Variants in PIM1 observed in about 807,000 individuals in gnomAD.
PIM1 encodes Pim-1 proto-oncogene, serine/threonine kinase.
In PIM1, 9 loss-of-function variants were observed where a neutral mutation model predicts 34.5. That is an observed-to-expected ratio of 0.26 (90% CI 0.16 to 0.46). The LOEUF is 0.46. Ranked by LOEUF, PIM1 falls within the 20% of genes least tolerant of loss-of-function variation. PIM1 has a pLI of 1.00. For synonymous variants in PIM1, 199 were observed against 175.2 expected (o/e 1.14, Z -1.07); for missense variants, 274 against 410.9 (o/e 0.67, Z 2.88).
Position 37,170,403 on chromosome 6 carries a change from T to C in PIM1, c.-173T>C. On this transcript the variant is annotated 5_prime_UTR_variant, in exon 1 of 6. Coordinates refer to ENST00000373509, the MANE Select transcript of PIM1 (RefSeq NM_002648.4). ...CGCCAGTCCCGGCAGCGCCCTCAGTTGTCCTCCGACTCGCCCTCGGCCTTC... is the reference window on the plus strand; with the variant it reads ...CGCCAGTCCCGGCAGCGCCCTCAGTCGTCCTCCGACTCGCCCTCGGCCTTC... 2.0e-6 allele frequency: 3 copies of C among 1,532,108 alleles called. No individual in the cohort carries two copies. Among genetic ancestry groups the C allele is most frequent in the Non-Finnish European group, 2.6e-6 (3 of 1,144,914 alleles). The allele number at this position is 1,532,108 out of a possible 1,614,324, so 94.9% of individuals were successfully genotyped here. A position where few individuals can be genotyped will look rare whatever the true frequency, so the allele number is the denominator to read the frequency against.
rs750751972 is a variant in PIM1 at position 37,171,271 on chromosome 6, C to T, written c.387C>T (p.Leu129=). 6 of 1,614,064 alleles carry T rather than the reference C, an allele frequency of 3.7e-6. No individual in the cohort carries two copies. Among genetic ancestry groups the T allele is most frequent in the African/African-American group, 1.3e-5 (1 of 74,952 alleles). The change falls in exon 4 of 6, where the codon CTC becomes CTT. Residue 129 remains leucine (L), a synonymous_variant. Coordinates refer to ENST00000373509, the MANE Select transcript of PIM1 (RefSeq NM_002648.4). ...ILERPEPVQD[L]FDFITERGAL... ...AGAGGCCCGAGCCGGTGCAAGATCT[C>T]TTCGACTTCATCACGGAAAGGGGAG...
rs1298984486 is a variant in PIM1, at chr6:37,174,995, T to G, written c.*904T>G. On this transcript the variant is annotated 3_prime_UTR_variant, in exon 6 of 6. Coordinates refer to ENST00000373509, the MANE Select transcript of PIM1 (RefSeq NM_002648.4). ...TAACCTGGAGGTCAATGTTATGTAT[T>G]TATTTATTTATTTATTTGGTTCCCT... 8.6e-6 allele frequency: 2 copies of G among 231,938 alleles called. No individual in the cohort carries two copies. Among genetic ancestry groups the G allele is most frequent in the Non-Finnish European group, 1.7e-5 (2 of 117,004 alleles). 14.4% of individuals were successfully genotyped at this position (231,938 alleles called of 1,614,324 possible).
rs1171084715 is a variant in PIM1, at chr6:37,170,873, C to T, written c.183C>T (p.Asn61=). The T allele has an allele frequency of 6.2e-7, 1 of 1,612,640 alleles. No individual in the cohort carries two copies. The highest frequency in any genetic ancestry group is 1.7e-5 in the Admixed American group (1 of 59,964). The change falls in exon 2 of 6, where the codon AAC becomes AAT. Residue 61 remains asparagine (N), a synonymous_variant. Transcript: ENST00000373509. ...SVYSGIRVSD[N]LPVAIKHVEK... is the part of the protein sequence containing the mutation. The stretch of plus-strand genomic sequence containing the variant: ...ACTCAGGCATCCGCGTCTCCGACAA[C>T]TTGCCGGTGAGTGGGCGCCCCGCGG...
In PIM1 at chr6:37,171,106, G is replaced by A. The variant is rs774075505; in HGVS notation, c.241-19G>A. 3 of 1,613,810 alleles carry A rather than the reference G, an allele frequency of 1.9e-6. No individual in the cohort carries two copies. Among genetic ancestry groups the A allele is most frequent in the South Asian group, 2.2e-5 (2 of 91,070 alleles). ...GCGCCCCCGACTCCCGCCCTAACGC[G>A]GCCCCCTCGCCCCTGCAGCCTAATG... is the stretch of plus-strand genomic sequence containing the variant. On this transcript the variant is annotated intron_variant, in intron 3 of 5. Transcript: ENST00000373509.
chr6:37,172,316 T>G (rs1045815914), intron 4 of PIM1, among the ~76,000 whole-genome samples: 23 of 151,826 alleles, frequency 1.5e-4, no homozygotes, highest in Non-Finnish European at 2.9e-4. Context: ...GCTGGCCGGG[T>G]CCTCCCATGT....
At position 37,171,110 on chromosome 6, in the gene PIM1, C is replaced by A. The variant is rs922082764; in HGVS notation, c.241-15C>A. 15 of 1,613,858 alleles carry A rather than the reference C, an allele frequency of 9.3e-6. No individual in the cohort carries two copies. The highest frequency in any genetic ancestry group is 1.3e-5 in the Non-Finnish European group (15 of 1,179,974). On this transcript the variant is annotated splice_polypyrimidine_tract_variant and intron_variant, in intron 3 of 5. Transcript: ENST00000373509. ...CCCCGACTCCCGCCCTAACGCGGCC[C>A]CCTCGCCCCTGCAGCCTAATGGCAC... is the stretch of plus-strand genomic sequence containing the variant.
chr6:37,170,599 G>A lies in PIM1; in HGVS notation c.24G>A (p.Ser8=), dbSNP rs545722595. 6.2e-7 allele frequency: 1 copy of A among 1,612,920 alleles called. No homozygotes were observed. The change falls in exon 1 of 6, where the codon TCG becomes TCA. Residue 8 remains serine, a synonymous_variant. Transcript: ENST00000373509. MLLSKIN[S]LAHLRAAPCN... is the part of the protein sequence containing the mutation. ...GGATGCTCTTGTCCAAAATCAACTC[G>A]CTTGCCCACCTGCGCGCCGCGCCCT...
In PIM1 at chr6:37,171,051, G is replaced by A. The variant is rs767788800; in HGVS notation, c.240+20G>A. On this transcript the variant is annotated intron_variant, in intron 3 of 5. Transcript: ENST00000373509. ...GAGCTGGTGAGTGCCCTGCAGGAGC[G>A]ACCCCCAGGATGAGTGGGTGGGGTG... is the stretch of plus-strand genomic sequence containing the variant. 14 of 1,613,950 alleles carry A rather than the reference G, an allele frequency of 8.7e-6. No individual in the cohort carries two copies. The highest frequency in any genetic ancestry group is 6.6e-5 in the South Asian group (6 of 91,084).
chr6:37,171,553 G>C, intron 4 of PIM1, 62 bp downstream of exon 4: 2 of 1,555,246 alleles, frequency 1.3e-6, no homozygotes, highest in Non-Finnish European at 1.7e-6. Flanking sequence ...CAGTCCGGAG[G>C]CCTCGGCCAG....
At position 37,174,275 on chromosome 6, in the gene PIM1, G is replaced by A. The variant is rs1009949425; in HGVS notation, c.*184G>A. 7.2e-6 allele frequency: 4 copies of A among 559,374 alleles called. No individual in the cohort carries two copies. Among genetic ancestry groups the A allele is most frequent in the Admixed American group, 3.4e-5 (1 of 29,472 alleles). The allele number at this position is 559,374 out of a possible 1,614,324, so 34.7% of individuals were successfully genotyped here. The stretch of plus-strand genomic sequence containing the variant: ...GAGGCTGCCTCCCAACAGTGGGGAA[G>A]AGTGACTCTCCAGGGGTCCTAGGCC... On this transcript the variant is annotated 3_prime_UTR_variant, in exon 6 of 6. Transcript: ENST00000373509.
chr6:37,170,251 G>C lies in PIM1; in HGVS notation c.-325G>C. 1.7e-6 allele frequency: 1 copy of C among 594,502 alleles called. No homozygotes were observed. The highest frequency in any genetic ancestry group is 2.0e-6 in the Non-Finnish European group (1 of 495,982). 36.8% of individuals were successfully genotyped at this position (594,502 alleles called of 1,614,324 possible). On this transcript the variant is annotated 5_prime_UTR_variant, in exon 1 of 6. Transcript: ENST00000373509. Reference sequence around the variant, plus strand: ...GGCAGCGGCGGCGGCGGGACCGGCAGCAGCAGCAGCAGCAGCAGCAGCAGC... The same window carrying C: ...GGCAGCGGCGGCGGCGGGACCGGCACCAGCAGCAGCAGCAGCAGCAGCAGC...
Position 37,174,365 on chromosome 6 carries a change from T to TC in PIM1, c.*277dup. The TC allele has an allele frequency of 8.7e-6, 1 of 114,540 alleles. No individual in the cohort carries two copies. Among genetic ancestry groups the TC allele is most frequent in the Non-Finnish European group, 1.6e-5 (1 of 60,936 alleles). 7.1% of individuals were successfully genotyped at this position (114,540 alleles called of 1,614,324 possible). A position where few individuals can be genotyped will look rare whatever the true frequency, so the allele number is the denominator to read the frequency against. The stretch of plus-strand genomic sequence containing the variant: ...TCCAGCATTGCTGGACTCTGAAATA[T>TC]CCCGGGGGTGGGGGGTGGGGGTGGG... On this transcript the variant is annotated 3_prime_UTR_variant, in exon 6 of 6. Coordinates refer to ENST00000373509, the MANE Select transcript of PIM1 (RefSeq NM_002648.4).
rs775749144 is a variant in PIM1, at chr6:37,171,250, G to A, written c.366G>A (p.Arg122=). The change falls in exon 4 of 6, where the codon AGG becomes AGA. Residue 122 remains arginine (R), a synonymous_variant. Coordinates refer to ENST00000373509, the MANE Select transcript of PIM1 (RefSeq NM_002648.4). ...ACAGTTTCGTCCTGATCCTGGAGAGGCCCGAGCCGGTGCAAGATCTCTTCG... is the reference window on the plus strand; with the variant it reads ...ACAGTTTCGTCCTGATCCTGGAGAGACCCGAGCCGGTGCAAGATCTCTTCG... ...RPDSFVLILE[R]PEPVQDLFDF... 2.5e-6 allele frequency: 4 copies of A among 1,613,982 alleles called. No individual in the cohort carries two copies. The highest frequency in any genetic ancestry group is 3.4e-6 in the Non-Finnish European group (4 of 1,180,044).
Position 37,171,253 on chromosome 6 carries a change from C to T in PIM1, c.369C>T (p.Pro123=). ...PDSFVLILER[P]EPVQDLFDFI... is the part of the protein sequence containing the mutation. Reference sequence around the variant, plus strand: ...GTTTCGTCCTGATCCTGGAGAGGCCCGAGCCGGTGCAAGATCTCTTCGACT... The same window carrying T: ...GTTTCGTCCTGATCCTGGAGAGGCCTGAGCCGGTGCAAGATCTCTTCGACT... Residue 123 remains proline (P), a synonymous_variant, in exon 4 of 6, where the codon CCC becomes CCT. Transcript: ENST00000373509. The T allele has an allele frequency of 6.2e-7, 1 of 1,611,536 alleles. No individual in the cohort carries two copies. The highest frequency in any genetic ancestry group is 8.5e-7 in the Non-Finnish European group (1 of 1,179,592).
rs1159815589 is a variant in PIM1 at position 37,170,263 on chromosome 6, GC to G, written c.-312del. On this transcript the variant is annotated 5_prime_UTR_variant, in exon 1 of 6. Coordinates refer to ENST00000373509, the MANE Select transcript of PIM1 (RefSeq NM_002648.4). ...GGCGGGACCGGCAGCAGCAGCAGCA[GC>G]AGCAGCAGCAGCAACCACTAGCCTC... is the stretch of plus-strand genomic sequence containing the variant. The G allele has an allele frequency of 1.7e-5, 23 of 1,349,766 alleles. No individual in the cohort carries two copies. In the East Asian group the frequency reaches 2.4e-4, roughly 14 times the overall value. 83.6% of individuals were successfully genotyped at this position (1,349,766 alleles called of 1,614,324 possible).
chr6:37,174,822 A>C lies in PIM1; in HGVS notation c.*731A>C. The C allele has an allele frequency of 4.3e-6, 1 of 233,756 alleles. No homozygotes were observed. Among genetic ancestry groups the C allele is most frequent in the Non-Finnish European group, 8.5e-6 (1 of 118,072 alleles). The allele number at this position is 233,756 out of a possible 1,614,324, so 14.5% of individuals were successfully genotyped here. A position where few individuals can be genotyped will look rare whatever the true frequency, so the allele number is the denominator to read the frequency against. On this transcript the variant is annotated 3_prime_UTR_variant, in exon 6 of 6. Transcript: ENST00000373509. ...GACCTCACACACACAAAAAATGCAC[A>C]AACAATGCAATCAACAGAAAAGCTG...
At position 37,170,365 on chromosome 6, in the gene PIM1, C is replaced by G. The variant is rs1762247356; in HGVS notation, c.-211C>G. On this transcript the variant is annotated 5_prime_UTR_variant, in exon 1 of 6. Coordinates refer to ENST00000373509, the MANE Select transcript of PIM1 (RefSeq NM_002648.4). ...TCTCAGCGCTGCCCGACCCCGCTGG[C>G]GCGCCCTCCCGCCGCCAGTCCCGGC... 1 of 1,519,116 alleles carries G rather than the reference C, an allele frequency of 6.6e-7. No homozygotes were observed. Among genetic ancestry groups the G allele is most frequent in the Non-Finnish European group, 8.8e-7 (1 of 1,139,318 alleles). 94.1% of individuals were successfully genotyped at this position (1,519,116 alleles called of 1,614,324 possible).
intron 4 of PIM1, chr6:37,172,694 C>T (rs1762313193): frequency 1.8e-6 from 1 of 562,890 alleles, no homozygotes; most frequent in Non-Finnish European, 3.4e-6. Flanking sequence ...GCAGGCGGTC[C>T]TGCCTCACAG....
chr6:37,170,743 A>G (rs922974383), intron 1 of PIM1, 30 bp from the exon 2 acceptor site: 1 of 1,608,326 alleles, frequency 6.2e-7, no homozygotes, highest in Non-Finnish European at 8.5e-7. Context: ...GCGGGCCGGC[A>G]CTGAGTCCCC....
Sources: allele counts gnomAD v4.1 joint callset (sites outside exome capture counted in the v4.1 genomes callset), GRCh38; gene constraint gnomAD v4.1.1; transcripts MANE v1.5; gene names NCBI Gene and HGNC (gene_info 2026-07-23, HGNC 2026-07-21).